The following LIPC variants were observed in gnomAD, a reference collection of about 807,000 sequenced individuals.
LIPC encodes the protein hepatic triacylglycerol lipase.
Under a neutral mutation model 50.7 loss-of-function variants are expected in LIPC, and 44 were observed. That is an observed-to-expected ratio of 0.87 (90% CI 0.68 to 1.11). The LOEUF (loss-of-function observed/expected upper bound fraction) is 1.11, where lower values mean the gene tolerates loss of function less well. Ranked by LOEUF, LIPC falls within the 50% of genes most tolerant of loss-of-function variation. The probability of loss-of-function intolerance (pLI) is 0.00; values close to 1 mark genes in which losing one functional copy is unlikely to be tolerated. For synonymous variants in LIPC, 271 were observed against 256.4 expected (o/e 1.06, Z -0.54); for missense variants, 697 against 648.2 (o/e 1.08, Z -0.82).
chr15:58,496,604 C>T (rs535967540), intron 1 of LIPC, among the ~76,000 whole-genome samples: 1 of 152,260 alleles, frequency 6.6e-6, no homozygotes, highest in East Asian at 1.9e-4. Flanking sequence ...AGATGTCTGA[C>T]TGTTTGAAAT....
At chr15:58,565,559 G>C in intron 8 of LIPC, 1 of 1,196,808 alleles carries the variant, frequency 8.4e-7, no homozygotes, top group South Asian at 3.0e-5. Flanking sequence ...GGGTAGTATT[G>C]GCTGTGCAGA....
At chr15:58,439,841 A>G (rs1254476661) in intron 1 of LIPC, among the ~76,000 whole-genome samples, 2 of 152,128 alleles carry the variant, frequency 1.3e-5, no homozygotes, top group Non-Finnish European at 2.9e-5. Flanking sequence ...GCAGTTCCCA[A>G]ATGATGCTGC....
At chr15:58,480,358 A>T (rs35327225) in intron 1 of LIPC, among the ~76,000 whole-genome samples, 53,169 of 152,098 alleles carry the variant, frequency 0.35, 10,729 homozygotes, top group South Asian at 0.51. Context: ...GCAGCGGCGC[A>T]ATCTCGGCTC....
chr15:58,525,913 T>C (rs567782453), intron 1 of LIPC, among the ~76,000 whole-genome samples: 13 of 152,326 alleles, frequency 8.5e-5, no homozygotes, highest in African/African-American at 2.6e-4. Flanking sequence ...CCTTTATTCA[T>C]TGAGAACCTG....
chr15:58,565,347 C>T lies in LIPC; in HGVS notation c.1388+1624C>T, dbSNP rs1158938854. On this transcript the variant is annotated intron_variant, in intron 8 of 8. Transcript: ENST00000299022. Reference sequence around the variant, plus strand: ...TTCCTCAGTTTAGGTGGCTGCTCACCCTGACAATCCCATGTGGCTTGACCT... The same window carrying T: ...TTCCTCAGTTTAGGTGGCTGCTCACTCTGACAATCCCATGTGGCTTGACCT... 2.6e-6 allele frequency: 4 copies of T among 1,529,152 alleles called. No homozygotes were observed. The African/African-American group carries it at 4.1e-5, about 16-fold the overall frequency. 94.7% of individuals were successfully genotyped at this position (1,529,152 alleles called of 1,614,324 possible).
intron 1 of LIPC, among the ~76,000 whole-genome samples, chr15:58,491,688 T>A (rs1328608575): frequency 1.3e-5 from 2 of 152,200 alleles, no homozygotes; most frequent in African/African-American, 2.4e-5. Flanking sequence ...TTATTCAGTG[T>A]GTGGTAAAAC....
intron 2 of LIPC, among the ~76,000 whole-genome samples, chr15:58,539,100 C>T (rs1451562047): frequency 6.6e-6 from 1 of 152,210 alleles, no homozygotes; most frequent in African/African-American, 2.4e-5. Context: ...GACCCTCATC[C>T]TCATAGTCCA....
At chr15:58,483,978 T>C (rs1487656438) in intron 1 of LIPC, among the ~76,000 whole-genome samples, 1 of 152,214 alleles carries the variant, frequency 6.6e-6, no homozygotes, top group East Asian at 1.9e-4. Context: ...CAACATGGGC[T>C]CTCTTCTTGG....
intron 1 of LIPC, among the ~76,000 whole-genome samples, chr15:58,488,287 A>C (rs1168288145): frequency 6.6e-6 from 1 of 152,228 alleles, no homozygotes; most frequent in Non-Finnish European, 1.5e-5. Flanking sequence ...TTAAGAAGTT[A>C]GACTGCTCAA....
intron 6 of LIPC, among the ~76,000 whole-genome samples, chr15:58,560,042 G>A (rs1298025272): frequency 1.3e-5 from 2 of 152,196 alleles, no homozygotes; most frequent in Admixed American, 1.3e-4. Context: ...CTACATCATA[G>A]CGTTGTGATG....
intron 1 of LIPC, among the ~76,000 whole-genome samples, chr15:58,463,528 C>T (rs141781696): frequency 6.6e-6 from 1 of 152,232 alleles, no homozygotes; most frequent in Non-Finnish European, 1.5e-5. Context: ...ACAGCACCCA[C>T]CATTTTGCCC....
chr15:58,542,002 TC>T (rs1270227100), intron 3 of LIPC, 35 bp downstream of exon 3: 9 of 1,578,082 alleles, frequency 5.7e-6, no homozygotes, highest in Non-Finnish European at 7.7e-6. Context: ...TCACCTCCCT[TC>T]CCTCCTTTCC....
At chr15:58,567,312 T>C (rs1227482493) in intron 8 of LIPC, among the ~76,000 whole-genome samples, 22 of 27,396 alleles carry the variant, frequency 8.0e-4, no homozygotes, top group African/African-American at 6.6e-4. Flanking sequence ...TATACATATA[T>C]ATGTATATGT....
chr15:58,479,288 A>G (rs1478895432), intron 1 of LIPC, among the ~76,000 whole-genome samples: 6 of 152,260 alleles, frequency 3.9e-5, no homozygotes, highest in African/African-American at 1.4e-4. Context: ...CGAAAACTGT[A>G]CAAACAGTAG....
At chr15:58,477,115 G>A (rs758820235) in intron 1 of LIPC, among the ~76,000 whole-genome samples, 8 of 152,120 alleles carry the variant, frequency 5.3e-5, no homozygotes, top group South Asian at 2.1e-4. Flanking sequence ...TTTTCCCTTC[G>A]ACTATAGTCC....
chr15:58,459,878 AGGCCCTGAGTGGG>A (rs1166086032), intron 1 of LIPC, among the ~76,000 whole-genome samples: 11 of 152,214 alleles, frequency 7.2e-5, no homozygotes, highest in African/African-American at 2.7e-4. Flanking sequence ...GGGCCCTGGG[AGGCCCTGAGTGGG>A]GCCACTGCGT....
chr15:58,537,128 C>G (rs1232443841), intron 1 of LIPC, among the ~76,000 whole-genome samples: 1 of 152,232 alleles, frequency 6.6e-6, no homozygotes, highest in African/African-American at 2.4e-5. Context: ...CTTCCTCTCC[C>G]AGCTCTTGGC....
chr15:58,443,946 C>T (rs1481321363), intron 1 of LIPC, among the ~76,000 whole-genome samples: 1 of 152,116 alleles, frequency 6.6e-6, no homozygotes, highest in Non-Finnish European at 1.5e-5. Flanking sequence ...GTACATTGAT[C>T]AGTTAGGGTG....
At chr15:58,521,622 A>G (rs1892655965) in intron 1 of LIPC, 1 of 152,322 alleles carries the variant, frequency 6.6e-6, no homozygotes, top group Admixed American at 6.5e-5. Flanking sequence ...CCTCCCAGGA[A>G]GCAGTTGCAG....
Sources: gnomAD v4.1 joint callset for allele counts (sites outside exome capture counted in the v4.1 genomes callset) on GRCh38, gnomAD v4.1.1 for gene constraint, MANE v1.5 for transcripts, NCBI Gene and HGNC (gene_info 2026-07-23, HGNC 2026-07-21) for gene names.